Variants in KDM2A observed in about 807,000 individuals in gnomAD.
KDM2A encodes lysine-specific demethylase 2A.
Under a neutral mutation model 137.3 loss-of-function variants are expected in KDM2A, and 3 were observed. That is an observed-to-expected ratio of 0.02 (90% confidence interval 0.01 to 0.06). The LOEUF (loss-of-function observed/expected upper bound fraction) is 0.06, where lower values mean the gene tolerates loss of function less well. Among genes scored for constraint, KDM2A ranks in the 10% least tolerant of loss-of-function variants. The probability of loss-of-function intolerance (pLI) is 1.00; values close to 1 mark genes in which losing one functional copy is unlikely to be tolerated. For missense variants in KDM2A, 738 were observed against 1,510.6 expected (o/e 0.49, Z 8.48); for synonymous variants, 512 against 541.5 (o/e 0.95, Z 0.76).
chr11:67,165,368 C>T (rs1426963007), intron 2 of KDM2A, among the ~76,000 whole-genome samples: 1 of 152,064 alleles, frequency 6.6e-6, no homozygotes, highest in African/African-American at 2.4e-5. Context: ...ATGATCTGCC[C>T]ACCTCAGCCT....
chr11:67,155,874 C>A (rs1463085165), intron 2 of KDM2A, among the ~76,000 whole-genome samples: 1 of 143,694 alleles, frequency 7.0e-6, no homozygotes, highest in Non-Finnish European at 1.5e-5. Context: ...CCTCGGCCTC[C>A]CAAAGTGCTG....
At chr11:67,208,497 G>T (rs372490525) in intron 6 of KDM2A, among the ~76,000 whole-genome samples, 3 of 152,002 alleles carry the variant, frequency 2.0e-5, no homozygotes, top group African/African-American at 4.8e-5. Context: ...GGGGCCAGGC[G>T]CAGTGGCTCA....
chr11:67,168,811 C>T (rs1856811874), intron 2 of KDM2A, among the ~76,000 whole-genome samples: 1 of 152,130 alleles, frequency 6.6e-6, no homozygotes, highest in East Asian at 1.9e-4. Flanking sequence ...GATATGTATG[C>T]ATTCATATGT....
At chr11:67,148,530 G>T (rs1856309037) in intron 2 of KDM2A, among the ~76,000 whole-genome samples, 1 of 152,128 alleles carries the variant, frequency 6.6e-6, no homozygotes, top group Non-Finnish European at 1.5e-5. Flanking sequence ...GCCGGGCGTG[G>T]TGGCTCATGC....
intron 2 of KDM2A, among the ~76,000 whole-genome samples, chr11:67,163,516 G>A (rs1193963903): frequency 6.6e-6 from 1 of 152,072 alleles, no homozygotes; most frequent in Non-Finnish European, 1.5e-5. Context: ...TTCTTTTTGG[G>A]ACATACAGTT....
intron 5 of KDM2A, among the ~76,000 whole-genome samples, chr11:67,192,466 T>G (rs372097089): frequency 8.3e-6 from 1 of 119,902 alleles, no homozygotes; most frequent in Admixed American, 9.0e-5. Context: ...TTTTTTGAGA[T>G]GGAGCATCTC....
rs779620599 is a variant in KDM2A at position 67,254,931 on chromosome 11, C to A, written c.3365C>A (p.Thr1122Asn). 1 of 1,614,030 alleles carries A rather than the reference C, an allele frequency of 6.2e-7. No individual in the cohort carries two copies. Among genetic ancestry groups the A allele is most frequent in the Non-Finnish European group, 8.5e-7 (1 of 1,179,888 alleles). ...TACCTACGGCGCATTGCCAACGTCA[C>A]CTTGATCGACCTTCGAGGATGCAAG... ...LIYLRRIANV[T>N]LIDLRGCKQI... Residue 1122 changes from threonine to asparagine, a missense_variant, in exon 21 of 21, where the codon ACC becomes AAC. Physicochemically the swap from Thr to Asn is moderately conservative, Grantham distance 65. Transcript: ENST00000529006. The surrounding 1 kb of genome is among the most constrained non-coding windows in gnomAD (Gnocchi z 4.7).
intron 2 of KDM2A, among the ~76,000 whole-genome samples, chr11:67,149,430 T>C (rs1160182415): frequency 2.0e-5 from 3 of 152,152 alleles, no homozygotes; most frequent in African/African-American, 7.2e-5. Context: ...AATACGTTAT[T>C]ATATATAACA....
intron 15 of KDM2A, 105 bp from the exon 16 acceptor site, chr11:67,248,176 T>G: frequency 1.2e-6 from 1 of 827,310 alleles, no homozygotes; most frequent in Non-Finnish European, 2.0e-6. Context: ...TCTCCCTTTA[T>G]GGACCAATGT....
chr11:67,226,706 A>C lies in KDM2A; in HGVS notation c.958-1331A>C, dbSNP rs75782795. ...CACTGCACTCCAGCCTGGGCAACAG[A>C]GCAAGACTCCGTCTCAAAAAACAAA... On this transcript the variant is annotated intron_variant, in intron 10 of 20. Transcript: ENST00000529006. Among the ~76,000 whole-genome samples, 126 of 152,330 alleles carry C rather than the reference A, an allele frequency of 8.3e-4. No homozygotes were observed. The East Asian group carries it at 0.019, about 23-fold the overall frequency.
Position 67,196,183 on chromosome 11 carries a change from T to C in KDM2A, c.308-11327T>C, listed in dbSNP as rs1416226137. On this transcript the variant is annotated intron_variant, in intron 5 of 20. Transcript: ENST00000529006. ...GACATAATCCACTACAGTGAAACTT[T>C]CTTTGGCAAAATCATCCATGGTGCA... The C allele has an allele frequency of 9.1e-6, 4 of 440,474 alleles. No homozygotes were observed. The East Asian group carries it at 2.1e-4, about 23-fold the overall frequency. The allele number at this position is 440,474 out of a possible 1,614,324, so 27.3% of individuals were successfully genotyped here. A position where few individuals can be genotyped will look rare whatever the true frequency, so the allele number is the denominator to read the frequency against.
In KDM2A at chr11:67,121,309, AGT is replaced by A. The variant is rs1322899882; in HGVS notation, c.-6_-5del. On this transcript the variant is annotated 5_prime_UTR_variant, in exon 2 of 21. Coordinates refer to ENST00000529006, the MANE Select transcript of KDM2A (RefSeq NM_012308.3). ...TTCTTTACAGTAATTTCAACAGAAG[AGT>A]GAGAGATGGAACCCGAAGAAGAAAG... 2 of 1,613,568 alleles carry A rather than the reference AGT, an allele frequency of 1.2e-6. No homozygotes were observed. The highest frequency in any genetic ancestry group is 1.7e-6 in the Non-Finnish European group (2 of 1,179,664).
At chr11:67,140,944 C>T (rs758746844) in intron 2 of KDM2A, among the ~76,000 whole-genome samples, 1 of 151,992 alleles carries the variant, frequency 6.6e-6, no homozygotes, top group East Asian at 1.9e-4. Context: ...GTTTAAAAAA[C>T]GCTATATTTT....
intron 10 of KDM2A, among the ~76,000 whole-genome samples, chr11:67,223,945 G>A (rs566395090): frequency 6.6e-5 from 10 of 152,276 alleles, no homozygotes; most frequent in South Asian, 6.2e-4. Context: ...TTTTACTTCC[G>A]TGTAAGAGAG....
intron 6 of KDM2A, among the ~76,000 whole-genome samples, chr11:67,212,990 T>C (rs180677058): frequency 2.6e-5 from 4 of 152,322 alleles, no homozygotes; most frequent in Non-Finnish European, 1.5e-5. Flanking sequence ...GCTTATTCAA[T>C]GTTCTGGGAC....
chr11:67,219,410 A>T lies in KDM2A; in HGVS notation c.957+7A>T, dbSNP rs1433917049. 3 of 1,504,366 alleles carry T rather than the reference A, an allele frequency of 2.0e-6. No homozygotes were observed. Among genetic ancestry groups the T allele is most frequent in the Non-Finnish European group, 2.7e-6 (3 of 1,092,408 alleles). 93.2% of individuals were successfully genotyped at this position (1,504,366 alleles called of 1,614,324 possible). The stretch of plus-strand genomic sequence containing the variant: ...CATTGAAGATCGGACACGGGTAAGT[A>T]ATCTTATGTAACAGTTGCATGTGAA... On this transcript the variant is annotated splice_region_variant and intron_variant, in intron 10 of 20. Transcript: ENST00000529006.
chr11:67,193,851 A>G (rs892153728), intron 5 of KDM2A, among the ~76,000 whole-genome samples: 32 of 152,170 alleles, frequency 2.1e-4, no homozygotes, highest in African/African-American at 6.3e-4. Flanking sequence ...ACAGAGTGAG[A>G]CCCCATCTCA....
At chr11:67,227,691 T>G (rs1858591563) in intron 10 of KDM2A, among the ~76,000 whole-genome samples, 1 of 152,100 alleles carries the variant, frequency 6.6e-6, no homozygotes, top group Admixed American at 6.6e-5. Flanking sequence ...TTCCTCAGCC[T>G]CCCGAGTAGC....
rs112220079 is a variant in KDM2A, at chr11:67,150,506, A to G, written c.42+29148A>G. Among the ~76,000 whole-genome samples the G allele has an allele frequency of 4.0e-3, 603 of 152,296 alleles. 6 individuals carry two copies. The highest frequency in any genetic ancestry group is 0.014 in the African/African-American group (577 of 41,562). On this transcript the variant is annotated intron_variant, in intron 2 of 20. Transcript: ENST00000529006. ...TTTGTTTACTATTAGTACACATTGG[A>G]AAGTGGATTCCAGGCCAATTAGGGA...
Sources: allele counts gnomAD v4.1 joint callset (sites outside exome capture counted in the v4.1 genomes callset), GRCh38; gene constraint gnomAD v4.1.1; non-coding constraint Gnocchi (gnomAD v3.1); transcripts MANE v1.5; gene names NCBI Gene and HGNC (gene_info 2026-07-23, HGNC 2026-07-21).